Variants in ACER1 observed in about 807,000 individuals in gnomAD.
ACER1 encodes the protein CTB-180A7.3.
In ACER1, 28 loss-of-function variants were observed where a neutral mutation model predicts 24.9. That is an observed-to-expected ratio of 1.13 (90% CI 0.83 to 1.54). The LOEUF (loss-of-function observed/expected upper bound fraction) is 1.54, where lower values mean the gene tolerates loss of function less well. Ranked by LOEUF, ACER1 falls within the 40% of genes most tolerant of loss-of-function variation. The probability of loss-of-function intolerance (pLI) is 0.00; values close to 1 mark genes in which losing one functional copy is unlikely to be tolerated. For missense variants in ACER1, 352 were observed against 349.3 expected (o/e 1.01, Z -0.06); for synonymous variants, 132 against 131.4 (o/e 1.00, Z -0.03).
chr19:6,344,666 G>A, the ACER1 span, among the ~76,000 whole-genome samples: 2 of 151,788 alleles, frequency 1.3e-5, no homozygotes, highest in South Asian at 4.1e-4. Flanking sequence ...AAAGTGCTGG[G>A]ATTACAAGCG....
the ACER1 span, among the ~76,000 whole-genome samples, chr19:6,339,706 T>A: frequency 6.6e-6 from 1 of 152,054 alleles, no homozygotes. Context: ...CTCTCTCTGT[T>A]GCCCAGGCTG....
Position 6,306,496 on chromosome 19 carries a change from C to A in ACER1, c.*218G>T. ...TGGGGGGGGTCATGGAGGGGAGATG[C>A]ACGAGACAGCCCCCCACAGTCACCA... On this transcript the variant is annotated 3_prime_UTR_variant, in exon 6 of 6. Transcript: ENST00000301452. 1 of 520,544 alleles carries A rather than the reference C, an allele frequency of 1.9e-6. No individual in the cohort carries two copies. Among genetic ancestry groups the A allele is most frequent in the African/African-American group, 1.9e-5 (1 of 52,940 alleles). The allele number at this position is 520,544 out of a possible 1,614,324, so 32.2% of individuals were successfully genotyped here. A position where few individuals can be genotyped will look rare whatever the true frequency, so the allele number is the denominator to read the frequency against.
chr19:6,344,831 A>ATTTATTTTAT, the ACER1 span, among the ~76,000 whole-genome samples: 47 of 150,580 alleles, frequency 3.1e-4, no homozygotes, highest in African/African-American at 9.1e-4. Context: ...ACAACAATCA[A>ATTTATTTTAT]TTTATTTTAT....
At chr19:6,356,468 T>TTAAAA in the ACER1 span, among the ~76,000 whole-genome samples, 606 of 147,322 alleles carry the variant, frequency 4.1e-3, 1 homozygote, top group African/African-American at 0.015. Flanking sequence ...GAATGATCAA[T>TTAAAA]AAAAAAATAA....
chr19:6,326,120 A>ATTT (rs961518968), intron 1 of ACER1, among the ~76,000 whole-genome samples: 22 of 97,262 alleles, frequency 2.3e-4, no homozygotes, highest in Non-Finnish European at 3.6e-4. Flanking sequence ...ATGCTCAGCT[A>ATTT]TTTTTTTTTT....
rs1248386729 is a variant in ACER1, at chr19:6,333,453, A to G, written c.93+6T>C. On this transcript the variant is annotated splice_donor_region_variant and intron_variant, in intron 1 of 5. Coordinates refer to ENST00000301452, the MANE Select transcript of ACER1 (RefSeq NM_133492.3). ...GCGAGACTCCTTCACACACCCACGC[A>G]CTCACCGTGTTGTAGAACTCGGCCA... 2 of 1,582,372 alleles carry G rather than the reference A, an allele frequency of 1.3e-6. No homozygotes were observed. Among genetic ancestry groups the G allele is most frequent in the Non-Finnish European group, 8.6e-7 (1 of 1,163,076 alleles).
chr19:6,333,278 C>A (rs558419903), intron 1 of ACER1, among the ~76,000 whole-genome samples, 181 bp downstream of exon 1: 1 of 152,226 alleles, frequency 6.6e-6, no homozygotes, highest in East Asian at 1.9e-4. Flanking sequence ...TACCACAGAG[C>A]TTGGCATCAA....
intron 3 of ACER1, among the ~76,000 whole-genome samples, chr19:6,310,182 G>A (rs942077246): frequency 6.6e-6 from 1 of 151,976 alleles, no homozygotes; most frequent in African/African-American, 2.4e-5. Context: ...CCACCTCCCA[G>A]GTTCACGCCA....
At chr19:6,339,464 G>C in the ACER1 span, among the ~76,000 whole-genome samples, 1 of 152,080 alleles carries the variant, frequency 6.6e-6, no homozygotes, top group Admixed American at 6.6e-5. Context: ...GGGCTGGGGA[G>C]GGGGATAGGG....
At chr19:6,351,849 G>T in the ACER1 span, among the ~76,000 whole-genome samples, 1 of 152,112 alleles carries the variant, frequency 6.6e-6, no homozygotes, top group African/African-American at 2.4e-5. Context: ...AACGCCAGGA[G>T]ATCAAGACCA....
chr19:6,357,762 CA>C, the ACER1 span, among the ~76,000 whole-genome samples: 2,229 of 113,064 alleles, frequency 0.02, 113 homozygotes, highest in Admixed American at 0.13. Context: ...GACCCCGTCT[CA>C]AAAAAAAAAA....
chr19:6,353,905 G>A, the ACER1 span, among the ~76,000 whole-genome samples: 1 of 152,012 alleles, frequency 6.6e-6, no homozygotes, highest in East Asian at 1.9e-4. Context: ...TCTCAGGCCA[G>A]CTGTGATGGC....
At chr19:6,358,441 C>G in the ACER1 span, among the ~76,000 whole-genome samples, 1 of 152,108 alleles carries the variant, frequency 6.6e-6, no homozygotes, top group Non-Finnish European at 1.5e-5. Flanking sequence ...GCAGTCCCCT[C>G]GAGGTTACAG....
Position 6,306,761 on chromosome 19 carries a change from C to A in ACER1, c.748G>T (p.Val250Leu). Reference protein sequence around the residue: ...VRYWPRDSWPVGLPYVEIRGD... With the variant: ...VRYWPRDSWPLGLPYVEIRGD... ...CGGATTTCCACGTAGGGCAGCCCCACGGGCCAACTGTCCCGAGGCCAGTAG... is the reference window on the plus strand; with the variant it reads ...CGGATTTCCACGTAGGGCAGCCCCAAGGGCCAACTGTCCCGAGGCCAGTAG... Residue 250 changes from valine to leucine, a missense_variant, in exon 6 of 6, where the codon GTG becomes TTG. Coordinates refer to ENST00000301452, the MANE Select transcript of ACER1 (RefSeq NM_133492.3). 4 of 1,613,938 alleles carry A rather than the reference C, an allele frequency of 2.5e-6. No individual in the cohort carries two copies. The highest frequency in any genetic ancestry group is 3.4e-6 in the Non-Finnish European group (4 of 1,179,878).
chr19:6,323,361 C>T (rs537842099), intron 1 of ACER1, among the ~76,000 whole-genome samples: 4 of 150,626 alleles, frequency 2.7e-5, no homozygotes, highest in Admixed American at 6.7e-5. Context: ...GCAGAGCCTG[C>T]AGTGAGCAGA....
chr19:6,324,877 A>G (rs745857871), intron 1 of ACER1, among the ~76,000 whole-genome samples: 15,432 of 142,000 alleles, frequency 0.11, 1,281 homozygotes, highest in East Asian at 0.35. Flanking sequence ...GGAAGGAAGG[A>G]AGGAAGGAAG....
intron 1 of ACER1, among the ~76,000 whole-genome samples, chr19:6,318,116 T>C (rs1048000153): frequency 6.6e-6 from 1 of 151,214 alleles, no homozygotes; most frequent in Non-Finnish European, 1.5e-5. Flanking sequence ...GGTCAGGAGA[T>C]CGAGACCATC....
At chr19:6,358,933 C>CAAAAAAAAAAAAAA in the ACER1 span, among the ~76,000 whole-genome samples, 141 of 75,246 alleles carry the variant, frequency 1.9e-3, 6 homozygotes, top group Middle Eastern at 9.4e-3. Flanking sequence ...AACTCTGTCT[C>CAAAAAAAAAAAAAA]AAAAAAAAAA....
chr19:6,313,668 T>A (rs144402923), intron 1 of ACER1, among the ~76,000 whole-genome samples: 2 of 152,364 alleles, frequency 1.3e-5, no homozygotes, highest in East Asian at 3.8e-4. Context: ...TGTCATGAGT[T>A]GACCTTGCCC....
Sources: gnomAD v4.1 joint callset for allele counts (sites outside exome capture counted in the v4.1 genomes callset) on GRCh38, gnomAD v4.1.1 for gene constraint, MANE v1.5 for transcripts, NCBI Gene and HGNC (gene_info 2026-07-23, HGNC 2026-07-21) for gene names.